The following HS6ST1 variants were observed in gnomAD, a reference collection of about 807,000 sequenced individuals.
HS6ST1 encodes the protein heparan-sulfate 6-O-sulfotransferase 1.
A neutral mutation model predicts 25.2 loss-of-function variants in HS6ST1; 3 were observed. The ratio of observed to expected loss-of-function variants is 0.12; its 90% CI spans 0.05 to 0.31. The LOEUF (loss-of-function observed/expected upper bound fraction) is 0.31. HS6ST1 is among the 10% of genes least tolerant of loss of function. The probability of loss-of-function intolerance (pLI) is 1.00; values close to 1 mark genes in which losing one functional copy is unlikely to be tolerated. For synonymous variants in HS6ST1, 204 were observed against 275.1 expected (o/e 0.74, Z 2.56); for missense variants, 310 against 609.6 (o/e 0.51, Z 5.18).
chr2:128,269,847 T>G lies in HS6ST1; in HGVS notation c.528-977A>C, dbSNP rs369459298. 7.3e-3 allele frequency among the ~76,000 whole-genome samples: 1,105 copies of G among 152,156 alleles called. 9 individuals are homozygous for G. The highest frequency in any genetic ancestry group is 0.024 in the African/African-American group (1,012 of 41,522). On this transcript the variant is annotated intron_variant, in intron 1 of 1. Coordinates refer to ENST00000259241, the MANE Select transcript of HS6ST1 (RefSeq NM_004807.3). ...CGCCAGGATTCCCCAGATGGCAACA[T>G]GGAAGTGTACCCACACTGCTCCCCT...
intron 1 of HS6ST1, among the ~76,000 whole-genome samples, chr2:128,301,171 CG>C (rs1407462223): frequency 6.7e-6 from 1 of 148,556 alleles, no homozygotes; most frequent in East Asian, 2.0e-4. Flanking sequence ...CTGGGGTCGC[CG>C]GGGGCTGCAT....
At position 128,266,491 on chromosome 2, in the gene HS6ST1, G is replaced by A. The variant is rs1573684916; in HGVS notation, c.*1671C>T. The A allele has an allele frequency of 2.0e-5, 3 of 152,362 alleles. No homozygotes were observed. In the South Asian group the frequency reaches 6.2e-4, roughly 32 times the overall value. The allele number at this position is 152,362 out of a possible 1,614,324, so 9.4% of individuals were successfully genotyped here. On this transcript the variant is annotated 3_prime_UTR_variant, in exon 2 of 2. Transcript: ENST00000259241. ...ATGGGGCCAGTGTAGGAGACCTGAGGGTGGGGCCCTTATGCCAGACCTCCA... is the reference window on the plus strand; with the variant it reads ...ATGGGGCCAGTGTAGGAGACCTGAGAGTGGGGCCCTTATGCCAGACCTCCA...
chr2:128,313,043 G>A (rs559493114), intron 1 of HS6ST1, among the ~76,000 whole-genome samples: 3 of 152,030 alleles, frequency 2.0e-5, no homozygotes, highest in African/African-American at 4.8e-5. Flanking sequence ...AGACTGCACC[G>A]GACAGAGTGA....
At chr2:128,312,626 CAT>C (rs1694308472) in intron 1 of HS6ST1, among the ~76,000 whole-genome samples, 1 of 152,156 alleles carries the variant, frequency 6.6e-6, no homozygotes, top group Admixed American at 6.5e-5. Context: ...CAGGTGGCGA[CAT>C]GTGGGTGACT....
rs111988210 is a variant in HS6ST1, at chr2:128,305,669, G to A, written c.527+12368C>T. Among the ~76,000 whole-genome samples, 930 of 152,334 alleles carry A rather than the reference G, an allele frequency of 6.1e-3. 11 individuals carry two copies. Among genetic ancestry groups the A allele is most frequent in the African/African-American group, 0.022 (896 of 41,582 alleles). On this transcript the variant is annotated intron_variant, in intron 1 of 1. Coordinates refer to ENST00000259241, the MANE Select transcript of HS6ST1 (RefSeq NM_004807.3). ...GTGCCTGGGCAGAGCCTCTCCTTAC[G>A]GGTGACATCACAACCCTCTCAACTC...
chr2:128,296,486 A>G (rs1252636069), intron 1 of HS6ST1, among the ~76,000 whole-genome samples: 1 of 152,246 alleles, frequency 6.6e-6, no homozygotes, highest in African/African-American at 2.4e-5. Flanking sequence ...TCCACACACA[A>G]AAACCTGTTA....
At chr2:128,317,907 C>T in intron 1 of HS6ST1, 130 bp downstream of exon 1, 1 of 1,129,458 alleles carries the variant, frequency 8.9e-7, no homozygotes, top group Non-Finnish European at 1.1e-6. Flanking sequence ...GGAGGGGTGC[C>T]GGCGAGTGGG....
intron 1 of HS6ST1, among the ~76,000 whole-genome samples, chr2:128,310,946 G>T (rs1573710470): frequency 6.6e-6 from 1 of 152,156 alleles, no homozygotes; most frequent in South Asian, 2.1e-4. Context: ...TGAGTGGCGG[G>T]GTCTCGCATG....
intron 1 of HS6ST1, among the ~76,000 whole-genome samples, chr2:128,282,461 C>T (rs928489160): frequency 6.6e-6 from 1 of 152,204 alleles, no homozygotes; most frequent in Middle Eastern, 3.2e-3. Flanking sequence ...CACCGGCCCG[C>T]GGCAGATGGT....
At chr2:128,297,396 TG>T (rs1305284394) in intron 1 of HS6ST1, among the ~76,000 whole-genome samples, 1 of 152,192 alleles carries the variant, frequency 6.6e-6, no homozygotes, top group Non-Finnish European at 1.5e-5. Context: ...TAATGACCAA[TG>T]GTAAGACCTA....
intron 1 of HS6ST1, among the ~76,000 whole-genome samples, chr2:128,298,641 G>A (rs1055177432): frequency 2.0e-5 from 3 of 152,170 alleles, no homozygotes; most frequent in Non-Finnish European, 2.9e-5. Context: ...GATGGACGGC[G>A]TGAGAGGCTG....
chr2:128,282,480 C>T (rs1452454745), intron 1 of HS6ST1, among the ~76,000 whole-genome samples: 1 of 152,234 alleles, frequency 6.6e-6, no homozygotes, highest in Non-Finnish European at 1.5e-5. Context: ...GTTGAAAACG[C>T]TGCGGGTGCA....
intron 1 of HS6ST1, among the ~76,000 whole-genome samples, chr2:128,271,829 C>T (rs1334831013): frequency 1.3e-5 from 2 of 152,222 alleles, no homozygotes; most frequent in African/African-American, 4.8e-5. Context: ...TCCTCAGCCG[C>T]ACACAGTGGT....
At chr2:128,316,872 C>A (rs77818326) in intron 1 of HS6ST1, among the ~76,000 whole-genome samples, 2,584 of 152,220 alleles carry the variant, frequency 0.017, 76 homozygotes, top group African/African-American at 0.059. Flanking sequence ...TCCAGGCTGG[C>A]TGGACCTTCC....
At chr2:128,310,579 G>T (rs1694275575) in intron 1 of HS6ST1, among the ~76,000 whole-genome samples, 1 of 112,238 alleles carries the variant, frequency 8.9e-6, no homozygotes, top group Non-Finnish European at 1.7e-5. Context: ...CATGGTCAAG[G>T]AAAACAGCCC....
rs367767506 is a variant in HS6ST1, at chr2:128,268,219, G to A, written c.1179C>T (p.Asp393=). The change falls in exon 2 of 2, where the codon GAC becomes GAT. Residue 393 remains aspartate (D), a synonymous_variant. Transcript: ENST00000259241. The part of the protein sequence containing the change: ...AKEALPREDA[D]EPGRVPTEDY... ...CCTCGGTGGGCACGCGGCCCGGCTC[G>A]TCGGCATCCTCCCGCGGCAGTGCCT... 1.0e-4 allele frequency: 163 copies of A among 1,609,440 alleles called. No individual in the cohort carries two copies. Among genetic ancestry groups the A allele is most frequent in the African/African-American group, 6.6e-4 (49 of 74,686 alleles).
At position 128,268,249 on chromosome 2, in the gene HS6ST1, G is replaced by C. The variant is rs1184985481; in HGVS notation, c.1149C>G (p.Ala383=). ...CATCCTCCCGCGGCAGTGCCTCCTTGGCCCGGTGCAGCAGACGCTCCTCGC... is the reference window on the plus strand; with the variant it reads ...CATCCTCCCGCGGCAGTGCCTCCTTCGCCCGGTGCAGCAGACGCTCCTCGC... The part of the protein sequence containing the change: ...RSREERLLHR[A]KEALPREDAD... Residue 383 remains alanine (A), a synonymous_variant, in exon 2 of 2, where the codon GCC becomes GCG. Transcript: ENST00000259241. The C allele has an allele frequency of 1.9e-6, 3 of 1,611,348 alleles. No homozygotes were observed. In the Admixed American group the frequency reaches 5.0e-5, roughly 27 times the overall value.
intron 1 of HS6ST1, among the ~76,000 whole-genome samples, chr2:128,290,353 A>AAC (rs535099729): frequency 1.3e-4 from 20 of 152,218 alleles, no homozygotes; most frequent in Non-Finnish European, 2.5e-4. Flanking sequence ...CTATGAGGCC[A>AAC]ACATAATCCT....
chr2:128,272,233 G>A (rs557602350), intron 1 of HS6ST1, among the ~76,000 whole-genome samples: 3 of 152,236 alleles, frequency 2.0e-5, no homozygotes, highest in Admixed American at 6.5e-5. Context: ...CCCCAGCACC[G>A]TCACGGTCTG....
Sources: allele counts gnomAD v4.1 joint callset (sites outside exome capture counted in the v4.1 genomes callset), GRCh38; gene constraint gnomAD v4.1.1; transcripts MANE v1.5; gene names NCBI Gene and HGNC (gene_info 2026-07-23, HGNC 2026-07-21).